Variants in SPN observed in about 807,000 individuals in gnomAD.
SPN encodes the protein sialophorin, also known as leukosialin.
SPN carries 6 observed loss-of-function variants against 8.4 expected under a neutral mutation model. That is an observed-to-expected ratio of 0.72 (90% CI 0.39 to 1.42). The LOEUF (loss-of-function observed/expected upper bound fraction) is 1.42. Among genes scored for constraint, SPN ranks in the 40% most tolerant of loss-of-function variants. SPN has a pLI of 0.02. For synonymous variants in SPN, 201 were observed against 222.6 expected (o/e 0.90, Z 0.86); for missense variants, 517 against 530.6 (o/e 0.97, Z 0.25).
At position 29,666,550 on chromosome 16, in the gene SPN, ACACG is replaced by A. The variant is rs1272570046; in HGVS notation, c.*1621_*1624del. ...CACACACACACACACACACACACAC[ACACG>A]CGCGCGCGCGCGCGCTCTCCTGCGA... On this transcript the variant is annotated 3_prime_UTR_variant, in exon 2 of 2. Transcript: ENST00000652691. 1.1e-3 allele frequency: 160 copies of A among 141,088 alleles called. 1 individual carries two copies. Among genetic ancestry groups the A allele is most frequent in the African/African-American group, 4.1e-3 (140 of 33,874 alleles). 8.7% of individuals were successfully genotyped at this position (141,088 alleles called of 1,614,324 possible). A position where few individuals can be genotyped will look rare whatever the true frequency, so the allele number is the denominator to read the frequency against.
In SPN at chr16:29,665,157, C is replaced by T. The variant is rs1420736213; in HGVS notation, c.*226C>T. On this transcript the variant is annotated 3_prime_UTR_variant, in exon 2 of 2. Coordinates refer to ENST00000652691, the MANE Select transcript of SPN (RefSeq NM_003123.6). ...GCAACCTCTGCCTCCTAAGTTCAGG[C>T]GATTCTCCTGCCTCAGCTTCCCGAG... 1.9e-5 allele frequency: 8 copies of T among 430,658 alleles called. No homozygotes were observed. The highest frequency in any genetic ancestry group is 8.2e-5 in the African/African-American group (4 of 48,846). The allele number at this position is 430,658 out of a possible 1,614,324, so 26.7% of individuals were successfully genotyped here. A position where few individuals can be genotyped will look rare whatever the true frequency, so the allele number is the denominator to read the frequency against.
rs777920495 is a variant in SPN, at chr16:29,664,914, G to A, written c.1186G>A (p.Asp396Asn). Reference sequence around the variant, plus strand: ...AGCTCCTGATGAGCCCGAAGGGGGAGACGGGGCTGCCCCTTAAGTGTCGGT... The same window carrying A: ...AGCTCCTGATGAGCCCGAAGGGGGAAACGGGGCTGCCCCTTAAGTGTCGGT... ...APAPDEPEGG[D>N]GAAP Residue 396 changes from aspartate to asparagine, a missense_variant, in exon 2 of 2, where the codon GAC becomes AAC. Transcript: ENST00000652691. The surrounding 1 kb of genome is among the most constrained non-coding windows in gnomAD (Gnocchi z 6.4). 3 of 1,423,654 alleles carry A rather than the reference G, an allele frequency of 2.1e-6. No homozygotes were observed. The highest frequency in any genetic ancestry group is 1.8e-6 in the Non-Finnish European group (2 of 1,086,594). 88.2% of individuals were successfully genotyped at this position (1,423,654 alleles called of 1,614,324 possible).
Position 29,670,682 on chromosome 16 carries a change from C to T in SPN, c.*5751C>T, listed in dbSNP as rs953609805. 1.3e-5 allele frequency: 6 copies of T among 451,552 alleles called. No homozygotes were observed. Among genetic ancestry groups the T allele is most frequent in the Non-Finnish European group, 2.2e-5 (5 of 224,808 alleles). The allele number at this position is 451,552 out of a possible 1,614,324, so 28.0% of individuals were successfully genotyped here. A position where few individuals can be genotyped will look rare whatever the true frequency, so the allele number is the denominator to read the frequency against. ...AAAAGCAAGTTACTCCTCTGTAATACATATGATTTTAGTTTTGTAATAAAA... is the reference window on the plus strand; with the variant it reads ...AAAAGCAAGTTACTCCTCTGTAATATATATGATTTTAGTTTTGTAATAAAA... On this transcript the variant is annotated 3_prime_UTR_variant, in exon 2 of 2. Coordinates refer to ENST00000652691, the MANE Select transcript of SPN (RefSeq NM_003123.6).
Position 29,666,664 on chromosome 16 carries a change from T to TC in SPN, c.*1733_*1734insC. On this transcript the variant is annotated 3_prime_UTR_variant, in exon 2 of 2. Transcript: ENST00000652691. Reference sequence around the variant, plus strand: ...CCCACTGCACGTTTCCAGGTTTAGTTTGTCTGTGTCTCCTCTTCCATCCCA... The same window carrying TC: ...CCCACTGCACGTTTCCAGGTTTAGTTCTGTCTGTGTCTCCTCTTCCATCCCA... 3.1e-6 allele frequency: 1 copy of TC among 325,102 alleles called. No homozygotes were observed. The highest frequency in any genetic ancestry group is 6.5e-6 in the Non-Finnish European group (1 of 154,730). 20.1% of individuals were successfully genotyped at this position (325,102 alleles called of 1,614,324 possible). A position where few individuals can be genotyped will look rare whatever the true frequency, so the allele number is the denominator to read the frequency against.
rs143508591 is a variant in SPN at position 29,663,988 on chromosome 16, C to T, written c.260C>T (p.Ser87Phe). Residue 87 changes from serine (S) to phenylalanine (F), a missense_variant, in exon 2 of 2, where the codon TCC (serine) becomes TTC (phenylalanine). By Grantham distance (155) the Ser-to-Phe change is radical. Coordinates refer to ENST00000652691, the MANE Select transcript of SPN (RefSeq NM_003123.6). The surrounding 1 kb of genome is among the most constrained non-coding windows in gnomAD (Gnocchi z 4.3). ...ACTTCCATTGGTGCCAGCACTGGTT[C>T]CCCTTTACCTGAGCCAACAACCTAC... ...LWTSIGASTG[S>F]PLPEPTTYQE... The T allele has an allele frequency of 1.9e-6, 3 of 1,614,138 alleles. No individual in the cohort carries two copies. The highest frequency in any genetic ancestry group is 2.5e-6 in the Non-Finnish European group (3 of 1,180,022).
In SPN at chr16:29,665,089, T is replaced by A; in HGVS notation, c.*158T>A. Reference sequence around the variant, plus strand: ...TTTTTCTTTTGAGACAGAGTTTCGCTTTGTCGCCCAGGCTGGAGTGCAATG... The same window carrying A: ...TTTTTCTTTTGAGACAGAGTTTCGCATTGTCGCCCAGGCTGGAGTGCAATG... On this transcript the variant is annotated 3_prime_UTR_variant, in exon 2 of 2. Transcript: ENST00000652691. 2.3e-6 allele frequency: 2 copies of A among 888,866 alleles called. No homozygotes were observed. The highest frequency in any genetic ancestry group is 3.0e-6 in the Non-Finnish European group (2 of 661,040). The allele number at this position is 888,866 out of a possible 1,614,324, so 55.1% of individuals were successfully genotyped here.
rs1391021627 is a variant in SPN, at chr16:29,666,566, G to GCGCGCGCA, written c.*1638_*1639insGCGCACGC. 2.5e-5 allele frequency: 6 copies of GCGCGCGCA among 240,094 alleles called. No individual in the cohort carries two copies. The East Asian group carries it at 6.6e-4, about 26-fold the overall frequency. 14.9% of individuals were successfully genotyped at this position (240,094 alleles called of 1,614,324 possible). ...CACACACACACACGCGCGCGCGCGC[G>GCGCGCGCA]CGCTCTCCTGCGAACAGAGGCAGGG... On this transcript the variant is annotated 3_prime_UTR_variant, in exon 2 of 2. Coordinates refer to ENST00000652691, the MANE Select transcript of SPN (RefSeq NM_003123.6).
Position 29,670,749 on chromosome 16 carries a change from A to T in SPN, c.*5818A>T. Reference sequence around the variant, plus strand: ...GCACTTATAGGGAAACAAAGGACCCATCGCAAATGTTTTCCATGCTGATCT... The same window carrying T: ...GCACTTATAGGGAAACAAAGGACCCTTCGCAAATGTTTTCCATGCTGATCT... On this transcript the variant is annotated 3_prime_UTR_variant, in exon 2 of 2. Coordinates refer to ENST00000652691, the MANE Select transcript of SPN (RefSeq NM_003123.6). The T allele has an allele frequency of 2.2e-6, 1 of 456,054 alleles. No homozygotes were observed. Among genetic ancestry groups the T allele is most frequent in the Non-Finnish European group, 4.4e-6 (1 of 226,788 alleles). 28.3% of individuals were successfully genotyped at this position (456,054 alleles called of 1,614,324 possible).
chr16:29,665,057 C>CTTT lies in SPN; in HGVS notation c.*135_*137dup. On this transcript the variant is annotated 3_prime_UTR_variant, in exon 2 of 2. Coordinates refer to ENST00000652691, the MANE Select transcript of SPN (RefSeq NM_003123.6). Reference sequence around the variant, plus strand: ...GCACCCTGATCCTCACCCGAATCTCCTTTTTTTTTTTCTTTTGAGACAGAG... The same window carrying CTTT: ...GCACCCTGATCCTCACCCGAATCTCCTTTTTTTTTTTTTTCTTTTGAGACAGAG... The CTTT allele has an allele frequency of 6.7e-6, 6 of 896,722 alleles. No individual in the cohort carries two copies. The highest frequency in any genetic ancestry group is 5.6e-5 in the South Asian group (1 of 18,004). The allele number at this position is 896,722 out of a possible 1,614,324, so 55.5% of individuals were successfully genotyped here.
rs1966761896 is a variant in SPN, at chr16:29,663,571, A to G, written c.-34-124A>G. ...ATTTCTGATAACAGTAAAAGCCAGC[A>G]TGGAAAAAACCGTTAAACCGCAGGT... On this transcript the variant is annotated intron_variant, in intron 1 of 1. Coordinates refer to ENST00000652691, the MANE Select transcript of SPN (RefSeq NM_003123.6). This position sits in a 1 kb window ranked among gnomAD's most constrained non-coding sequence, Gnocchi z 4.3. 1.0e-6 allele frequency: 1 copy of G among 977,078 alleles called. No homozygotes were observed. The highest frequency in any genetic ancestry group is 1.6e-5 in the South Asian group (1 of 60,752). 60.5% of individuals were successfully genotyped at this position (977,078 alleles called of 1,614,324 possible).
chr16:29,664,626 G>A lies in SPN; in HGVS notation c.898G>A (p.Val300Met), dbSNP rs1456478463. The change falls in exon 2 of 2, where the codon GTG becomes ATG. Residue 300 changes from valine to methionine, a missense_variant. By Grantham distance (21) the Val-to-Met change is conservative (BLOSUM62 1). Coordinates refer to ENST00000652691, the MANE Select transcript of SPN (RefSeq NM_003123.6). This position sits in a 1 kb window ranked among gnomAD's most constrained non-coding sequence, Gnocchi z 6.4. ...LSRGGKRNGV[V>M]DAWAGPAQVP... Reference sequence around the variant, plus strand: ...CAGAGGCGGCAAGCGTAACGGGGTGGTGGACGCCTGGGCTGGGCCAGCCCA... The same window carrying A: ...CAGAGGCGGCAAGCGTAACGGGGTGATGGACGCCTGGGCTGGGCCAGCCCA... 3 of 1,587,548 alleles carry A rather than the reference G, an allele frequency of 1.9e-6. No individual in the cohort carries two copies. In the South Asian group the frequency reaches 3.5e-5, roughly 18 times the overall value.
In SPN at chr16:29,666,560, G is replaced by GCA. The variant is rs1966818859; in HGVS notation, c.*1630_*1631insAC. On this transcript the variant is annotated 3_prime_UTR_variant, in exon 2 of 2. Transcript: ENST00000652691. The stretch of plus-strand genomic sequence containing the variant: ...CACACACACACACACACACGCGCGC[G>GCA]CGCGCGCGCTCTCCTGCGAACAGAG... The GCA allele has an allele frequency of 4.5e-6, 1 of 220,262 alleles. No individual in the cohort carries two copies. Among genetic ancestry groups the GCA allele is most frequent in the South Asian group, 7.4e-5 (1 of 13,444 alleles). 13.6% of individuals were successfully genotyped at this position (220,262 alleles called of 1,614,324 possible). A position where few individuals can be genotyped will look rare whatever the true frequency, so the allele number is the denominator to read the frequency against.
At position 29,664,997 on chromosome 16, in the gene SPN, A is replaced by C; in HGVS notation, c.*66A>C. 7.7e-7 allele frequency: 1 copy of C among 1,297,350 alleles called. No individual in the cohort carries two copies. Among genetic ancestry groups the C allele is most frequent in the South Asian group, 3.3e-5 (1 of 30,706 alleles). The allele number at this position is 1,297,350 out of a possible 1,614,324, so 80.4% of individuals were successfully genotyped here. A position where few individuals can be genotyped will look rare whatever the true frequency, so the allele number is the denominator to read the frequency against. On this transcript the variant is annotated 3_prime_UTR_variant, in exon 2 of 2. Coordinates refer to ENST00000652691, the MANE Select transcript of SPN (RefSeq NM_003123.6). This position sits in a 1 kb window ranked among gnomAD's most constrained non-coding sequence, Gnocchi z 6.4. ...AGCCTCCAGCACCTTCCCTCTCACC[A>C]TCCCACTGCCCCCTCGCTCCCATGT...
Position 29,664,787 on chromosome 16 carries a change from G to A in SPN, c.1059G>A (p.Gln353=), listed in dbSNP as rs1478395030. 32 of 1,501,726 alleles carry A rather than the reference G, an allele frequency of 2.1e-5. No homozygotes were observed. Among genetic ancestry groups the A allele is most frequent in the Non-Finnish European group, 8.9e-7 (1 of 1,128,564 alleles). 93.0% of individuals were successfully genotyped at this position (1,501,726 alleles called of 1,614,324 possible). A position where few individuals can be genotyped will look rare whatever the true frequency, so the allele number is the denominator to read the frequency against. ...TCTTTGGCAGACGGAAGTCTCGCCAGGGCTCCCTGGCGATGGAGGAGCTGA... is the reference window on the plus strand; with the variant it reads ...TCTTTGGCAGACGGAAGTCTCGCCAAGGCTCCCTGGCGATGGAGGAGCTGA... The part of the protein sequence containing the change: ...TTFFGRRKSR[Q]GSLAMEELKS... Residue 353 remains glutamine (Q), a synonymous_variant, in exon 2 of 2, where the codon CAG becomes CAA. Coordinates refer to ENST00000652691, the MANE Select transcript of SPN (RefSeq NM_003123.6). This position sits in a 1 kb window ranked among gnomAD's most constrained non-coding sequence, Gnocchi z 6.4.
In SPN at chr16:29,664,314, A is replaced by C. The variant is rs1428240544; in HGVS notation, c.586A>C (p.Thr196Pro). Residue 196 changes from threonine (T) to proline (P), a missense_variant, in exon 2 of 2, where the codon ACC becomes CCC. By Grantham distance (38) the Thr-to-Pro change is conservative (BLOSUM62 -1). Coordinates refer to ENST00000652691, the MANE Select transcript of SPN (RefSeq NM_003123.6). This position sits in a 1 kb window ranked among gnomAD's most constrained non-coding sequence, Gnocchi z 6.4. ...PVTMATDSLE[T>P]STGTTGPPVT... is the part of the protein sequence containing the mutation. ...TACCATGGCAACTGACTCTCTGGAG[A>C]CCTCCACTGGGACCACTGGACCCCC... 6 of 1,612,300 alleles carry C rather than the reference A, an allele frequency of 3.7e-6. No homozygotes were observed. Among genetic ancestry groups the C allele is most frequent in the East Asian group, 4.5e-5 (2 of 44,382 alleles).
At position 29,663,435 on chromosome 16, in the gene SPN, G is replaced by A. The variant is rs760851063; in HGVS notation, c.-35+119G>A. Reference sequence around the variant, plus strand: ...GATTGGGAGCCATTGGGCTGCACAGGGTCAGGGAAGGCCAGGAGGGGCTGG... The same window carrying A: ...GATTGGGAGCCATTGGGCTGCACAGAGTCAGGGAAGGCCAGGAGGGGCTGG... On this transcript the variant is annotated intron_variant, in intron 1 of 1. Coordinates refer to ENST00000652691, the MANE Select transcript of SPN (RefSeq NM_003123.6). The surrounding 1 kb of genome is among the most constrained non-coding windows in gnomAD (Gnocchi z 4.3). 44 of 373,422 alleles carry A rather than the reference G, an allele frequency of 1.2e-4. No homozygotes were observed. Among genetic ancestry groups the A allele is most frequent in the African/African-American group, 2.1e-5 (1 of 47,998 alleles). 23.1% of individuals were successfully genotyped at this position (373,422 alleles called of 1,614,324 possible).
Position 29,665,057 on chromosome 16 carries a change from C to T in SPN, c.*126C>T. ...GCACCCTGATCCTCACCCGAATCTC[C>T]TTTTTTTTTTTCTTTTGAGACAGAG... On this transcript the variant is annotated 3_prime_UTR_variant, in exon 2 of 2. Coordinates refer to ENST00000652691, the MANE Select transcript of SPN (RefSeq NM_003123.6). 3.3e-6 allele frequency: 3 copies of T among 896,756 alleles called. No individual in the cohort carries two copies. Among genetic ancestry groups the T allele is most frequent in the South Asian group, 5.6e-5 (1 of 18,006 alleles). The allele number at this position is 896,756 out of a possible 1,614,324, so 55.5% of individuals were successfully genotyped here.
At position 29,664,796 on chromosome 16, in the gene SPN, G is replaced by A. The variant is rs747500313; in HGVS notation, c.1068G>A (p.Leu356=). 2.0e-6 allele frequency: 3 copies of A among 1,503,772 alleles called. No individual in the cohort carries two copies. The highest frequency in any genetic ancestry group is 2.3e-5 in the East Asian group (1 of 43,200). The allele number at this position is 1,503,772 out of a possible 1,614,324, so 93.2% of individuals were successfully genotyped here. The change falls in exon 2 of 2, where the codon CTG becomes CTA. Residue 356 remains leucine (L), a synonymous_variant. Transcript: ENST00000652691. This position sits in a 1 kb window ranked among gnomAD's most constrained non-coding sequence, Gnocchi z 6.4. ...GACGGAAGTCTCGCCAGGGCTCCCT[G>A]GCGATGGAGGAGCTGAAGTCTGGGT... ...FGRRKSRQGS[L]AMEELKSGSG...
Position 29,667,815 on chromosome 16 carries a change from A to G in SPN, c.*2884A>G, listed in dbSNP as rs1356087980. On this transcript the variant is annotated 3_prime_UTR_variant, in exon 2 of 2. Transcript: ENST00000652691. ...TAAAATAAATAAAAGAGAGGCACAA[A>G]CAGTGTTATGAATGCACCAAGGAAA... The G allele has an allele frequency of 6.1e-6, 1 of 163,178 alleles. No individual in the cohort carries two copies. The highest frequency in any genetic ancestry group is 1.9e-4 in the East Asian group (1 of 5,198). 10.1% of individuals were successfully genotyped at this position (163,178 alleles called of 1,614,324 possible).
Sources: allele counts gnomAD v4.1 joint callset, GRCh38; gene constraint gnomAD v4.1.1; non-coding constraint Gnocchi (gnomAD v3.1); transcripts MANE v1.5; gene names NCBI Gene and HGNC (gene_info 2026-07-23, HGNC 2026-07-21).